Variants in AFF3 observed in about 807,000 individuals in gnomAD.
AFF3 encodes the protein AF4/FMR2 family member 3.
AFF3 carries 32 observed loss-of-function variants against 129.7 expected under a neutral mutation model. That is an observed-to-expected ratio of 0.25 (90% CI 0.19 to 0.33). AFF3 has a LOEUF of 0.33. AFF3 is among the 10% of genes least tolerant of loss of function. The pLI is 1.00. For synonymous variants in AFF3, 644 were observed against 635.4 expected, an observed-to-expected ratio of 1.01 and a Z score of -0.20; for missense variants, 1,373 against 1,592.0, an observed-to-expected ratio of 0.86 and a Z score of 2.34.
intron 13 of AFF3, among the ~76,000 whole-genome samples, chr2:99,605,698 T>A (rs1680262988): frequency 6.6e-6 from 1 of 152,302 alleles, no homozygotes; most frequent in Non-Finnish European, 1.5e-5. Context: ...CACACACATA[T>A]ACATACGTCT....
chr2:99,962,468 C>T (rs533742822), intron 7 of AFF3, among the ~76,000 whole-genome samples: 2 of 152,194 alleles, frequency 1.3e-5, no homozygotes, highest in South Asian at 4.1e-4. Flanking sequence ...AATGATGACA[C>T]AAGACTTTTA....
chr2:99,619,228 A>G (rs2105288140), intron 13 of AFF3, among the ~76,000 whole-genome samples: 1 of 152,358 alleles, frequency 6.6e-6, no homozygotes, highest in African/African-American at 2.4e-5. Context: ...TAAAGCAAAT[A>G]AAGTGAGCTC....
At chr2:100,114,763 G>A (rs1691666118) in intron 2 of AFF3, among the ~76,000 whole-genome samples, 3 of 152,194 alleles carry the variant, frequency 2.0e-5, no homozygotes, top group Admixed American at 2.0e-4. Context: ...GGAGTCACAA[G>A]GACTAGATGA....
Position 100,127,063 on chromosome 2 carries a change from T to C in AFF3, c.-145+2161A>G, listed in dbSNP as rs982934600. Among the ~76,000 whole-genome samples the C allele has an allele frequency of 2.0e-5, 3 of 152,150 alleles. No homozygotes were observed. In the South Asian group the frequency reaches 6.2e-4, roughly 32 times the overall value. ...TGGCACCATTATATGCATCATTCCA[T>C]CCTCTCTGGGAGGTCCCTGGTGGTG... On this transcript the variant is annotated intron_variant, in intron 2 of 24. Coordinates refer to ENST00000672756, the MANE Select transcript of AFF3 (RefSeq NM_001386135.1).
At chr2:99,635,706 C>A (rs1683587076) in intron 13 of AFF3, among the ~76,000 whole-genome samples, 1 of 152,178 alleles carries the variant, frequency 6.6e-6, no homozygotes, top group South Asian at 2.1e-4. Flanking sequence ...AATGCCACCC[C>A]TAAACCTGGC....
intron 7 of AFF3, among the ~76,000 whole-genome samples, chr2:99,917,585 A>T (rs1203999299): frequency 6.6e-6 from 1 of 152,216 alleles, no homozygotes; most frequent in Non-Finnish European, 1.5e-5. Flanking sequence ...AGCTTAACAT[A>T]TAATCATACA....
chr2:99,600,142 G>A (rs1361177947), intron 14 of AFF3, among the ~76,000 whole-genome samples: 5 of 152,206 alleles, frequency 3.3e-5, no homozygotes, highest in African/African-American at 1.2e-4. Flanking sequence ...GAGATTGATA[G>A]ATGGATAAAT....
intron 13 of AFF3, among the ~76,000 whole-genome samples, chr2:99,622,069 C>G (rs762421797): frequency 4.6e-5 from 7 of 152,120 alleles, no homozygotes; most frequent in Non-Finnish European, 1.0e-4. Context: ...ATTCTATGAG[C>G]AAATCTATGT....
chr2:100,035,369 C>G (rs1440625590), intron 4 of AFF3, among the ~76,000 whole-genome samples: 1 of 152,210 alleles, frequency 6.6e-6, no homozygotes, highest in Admixed American at 6.5e-5. Context: ...GTGCAAGGAG[C>G]TTCCAAGGGT....
chr2:99,664,180 C>T (rs1024796306), intron 12 of AFF3, among the ~76,000 whole-genome samples: 1 of 152,192 alleles, frequency 6.6e-6, no homozygotes, highest in South Asian at 2.1e-4. Context: ...GTATCACATA[C>T]CTTTCATTTA....
intron 24 of AFF3, among the ~76,000 whole-genome samples, chr2:99,551,909 C>G (rs899366399): frequency 6.6e-6 from 1 of 152,190 alleles, no homozygotes; most frequent in Non-Finnish European, 1.5e-5. Context: ...CACTCCTGAA[C>G]GTGAACGTGG....
At chr2:99,928,531 G>C (rs1437081707) in intron 7 of AFF3, among the ~76,000 whole-genome samples, 1 of 152,106 alleles carries the variant, frequency 6.6e-6, no homozygotes, top group African/African-American at 2.4e-5. Flanking sequence ...CGTAAACTTT[G>C]TTTTCCAGTG....
chr2:99,730,371 A>G (rs1679724220), intron 10 of AFF3, among the ~76,000 whole-genome samples: 1 of 152,224 alleles, frequency 6.6e-6, no homozygotes, highest in Non-Finnish European at 1.5e-5. Context: ...CATGCTCTTT[A>G]AACATTTAAA....
At chr2:99,814,145 T>C (rs1687023083) in intron 8 of AFF3, among the ~76,000 whole-genome samples, 1 of 152,078 alleles carries the variant, frequency 6.6e-6, no homozygotes, top group South Asian at 2.1e-4. Flanking sequence ...ATGTGGCATT[T>C]TTCCTCCCCT....
chr2:99,707,754 A>G, intron 11 of AFF3: 1 of 687,540 alleles, frequency 1.5e-6, no homozygotes, highest in Non-Finnish European at 1.8e-6. Context: ...TCTGTGAAGC[A>G]GACTTTTTCC....
chr2:99,889,139 A>T lies in AFF3; in HGVS notation c.874-51615T>A, dbSNP rs548975553. 5.9e-3 allele frequency among the ~76,000 whole-genome samples: 898 copies of T among 151,720 alleles called. 5 individuals carry two copies. The highest frequency in any genetic ancestry group is 0.02 in the African/African-American group (840 of 41,398). On this transcript the variant is annotated intron_variant, in intron 7 of 24. Coordinates refer to ENST00000672756, the MANE Select transcript of AFF3 (RefSeq NM_001386135.1). Reference sequence around the variant, plus strand: ...TATATTCTAGACAGATTTTTTTTTTAAATTTTATAGATGTGGTCTCACTGT... The same window carrying T: ...TATATTCTAGACAGATTTTTTTTTTTAATTTTATAGATGTGGTCTCACTGT...
chr2:99,940,748 T>C (rs892869936), intron 7 of AFF3, among the ~76,000 whole-genome samples: 1 of 152,212 alleles, frequency 6.6e-6, no homozygotes, highest in Non-Finnish European at 1.5e-5. Flanking sequence ...ACTTTCTTAA[T>C]AAACTTGCTT....
At chr2:99,975,792 G>A (rs1224338539) in intron 7 of AFF3, among the ~76,000 whole-genome samples, 1 of 73,352 alleles carries the variant, frequency 1.4e-5, no homozygotes, top group African/African-American at 5.8e-5. Context: ...CACCCTACTA[G>A]ATTATAACAG....
chr2:99,554,839 G>A, intron 22 of AFF3, 107 bp from the exon 23 acceptor site: 1 of 1,296,102 alleles, frequency 7.7e-7, no homozygotes, highest in Non-Finnish European at 1.1e-6. Flanking sequence ...GGCAGACACT[G>A]CAGGAAAAAG....
Sources: gnomAD v4.1 joint callset for allele counts (sites outside exome capture counted in the v4.1 genomes callset) on GRCh38, gnomAD v4.1.1 for gene constraint, MANE v1.5 for transcripts, NCBI Gene and HGNC (gene_info 2026-07-23, HGNC 2026-07-21) for gene names.